UBE2F: variants seen among roughly 807,000 people sequenced by gnomAD.
UBE2F encodes NEDD8-conjugating enzyme UBE2F.
In UBE2F, 5 loss-of-function variants were observed where a neutral mutation model predicts 29.6. That is an observed-to-expected ratio of 0.17 (90% confidence interval 0.09 to 0.36). The LOEUF is 0.36. Among genes scored for constraint, UBE2F ranks in the 10% least tolerant of loss-of-function variants. The pLI is 1.00. For synonymous variants in UBE2F, 66 were observed against 81.8 expected (o/e 0.81, Z 1.04); for missense variants, 141 against 228.5 (o/e 0.62, Z 2.47).
rs973089826 is a variant in UBE2F, at chr2:238,041,507, G to T, written c.*169G>T. The T allele has an allele frequency of 7.7e-5, 46 of 599,662 alleles. No homozygotes were observed. Among genetic ancestry groups the T allele is most frequent in the Admixed American group, 2.7e-4 (9 of 33,778 alleles). The allele number at this position is 599,662 out of a possible 1,614,324, so 37.1% of individuals were successfully genotyped here. On this transcript the variant is annotated 3_prime_UTR_variant, in exon 10 of 10. Coordinates refer to ENST00000272930, the MANE Select transcript of UBE2F (RefSeq NM_080678.3). ...AAGACCATCTTCATGACTGCTCATT[G>T]TAGATGGAGAATTCAACATAAATAC...
In UBE2F at chr2:238,020,558, G is replaced by A. The variant is rs372475364; in HGVS notation, c.282+3925G>A. Among the ~76,000 whole-genome samples, 9 of 152,298 alleles carry A rather than the reference G, an allele frequency of 5.9e-5. No individual in the cohort carries two copies. The East Asian group carries it at 9.7e-4, about 16-fold the overall frequency. Reference sequence around the variant, plus strand: ...AAGAGTTACAGTTCCTGCAGTGAAGGTCTGTTATTAAGACTGTGAATGTGG... The same window carrying A: ...AAGAGTTACAGTTCCTGCAGTGAAGATCTGTTATTAAGACTGTGAATGTGG... On this transcript the variant is annotated intron_variant, in intron 5 of 9. Transcript: ENST00000272930.
At position 237,967,024 on chromosome 2, in the gene UBE2F, C is replaced by A; in HGVS notation, c.-125C>A. ...AGTCCCCGCCCCGCCACTTCCGGTC[C>A]CGCCGCCGGGAGCCGGTGCGGCTGT... On this transcript the variant is annotated 5_prime_UTR_variant, in exon 1 of 10. Transcript: ENST00000272930. The surrounding 1 kb of genome is among the most constrained non-coding windows in gnomAD (Gnocchi z 6.3). 2 of 1,276,022 alleles carry A rather than the reference C, an allele frequency of 1.6e-6. No homozygotes were observed. Among genetic ancestry groups the A allele is most frequent in the South Asian group, 2.2e-5 (1 of 46,014 alleles). 79.0% of individuals were successfully genotyped at this position (1,276,022 alleles called of 1,614,324 possible).
chr2:238,008,417 A>G (rs574913457), intron 4 of UBE2F, among the ~76,000 whole-genome samples: 18 of 152,290 alleles, frequency 1.2e-4, no homozygotes, highest in Non-Finnish European at 1.9e-4. Flanking sequence ...GTGTCCTTCA[A>G]GGGATTTGCT....
chr2:238,027,833 T>C (rs182046482), intron 6 of UBE2F, among the ~76,000 whole-genome samples: 2 of 152,294 alleles, frequency 1.3e-5, no homozygotes, highest in Non-Finnish European at 2.9e-5. Flanking sequence ...TGCCTGGGGC[T>C]CCACAGGCCT....
intron 5 of UBE2F, 186 bp from the exon 6 acceptor site, chr2:238,025,156 T>C: frequency 8.3e-6 from 5 of 602,522 alleles, no homozygotes; most frequent in Admixed American, 2.5e-5. Flanking sequence ...ATGCAGCGCA[T>C]CAACACATGC....
chr2:237,989,908 C>T (rs576030750), intron 3 of UBE2F, among the ~76,000 whole-genome samples: 3 of 151,864 alleles, frequency 2.0e-5, no homozygotes, highest in African/African-American at 7.2e-5. Context: ...CATTTGAGCT[C>T]AGGAGTTCGA....
At chr2:237,991,364 T>G (rs1285161106) in intron 3 of UBE2F, among the ~76,000 whole-genome samples, 1 of 152,208 alleles carries the variant, frequency 6.6e-6, no homozygotes, top group African/African-American at 2.4e-5. Context: ...ATAACTTGCC[T>G]TGTATCAGTA....
intron 2 of UBE2F, chr2:237,973,768 T>A: frequency 8.8e-7 from 1 of 1,142,750 alleles, no homozygotes; most frequent in Non-Finnish European, 1.1e-6. Flanking sequence ...ACTTTATCCT[T>A]GGAGAAGGGT....
At chr2:237,972,744 G>T (rs2063202810) in intron 1 of UBE2F, among the ~76,000 whole-genome samples, 1 of 151,584 alleles carries the variant, frequency 6.6e-6, no homozygotes, top group South Asian at 2.1e-4. Context: ...GTAGAGACAG[G>T]GTTTTGCCAT....
chr2:238,037,682 T>G (rs2064745196), intron 9 of UBE2F, among the ~76,000 whole-genome samples: 1 of 152,174 alleles, frequency 6.6e-6, no homozygotes, highest in African/African-American at 2.4e-5. Flanking sequence ...CTTGGCTCAC[T>G]GCAACCTCTA....
intron 9 of UBE2F, among the ~76,000 whole-genome samples, chr2:238,038,507 T>G (rs2064770075): frequency 6.6e-6 from 1 of 152,238 alleles, no homozygotes; most frequent in African/African-American, 2.4e-5. Context: ...CTGCTGTCGT[T>G]GGCGAGGACT....
intron 5 of UBE2F, among the ~76,000 whole-genome samples, chr2:238,022,980 T>G (rs1350601093): frequency 6.6e-6 from 1 of 152,140 alleles, no homozygotes; most frequent in Non-Finnish European, 1.5e-5. Context: ...AACATCAAAT[T>G]ATGGAAGGTG....
At chr2:238,039,953 G>C (rs935578778) in intron 9 of UBE2F, among the ~76,000 whole-genome samples, 2 of 152,242 alleles carry the variant, frequency 1.3e-5, no homozygotes, top group Admixed American at 6.5e-5. Flanking sequence ...ATGGCCTTGA[G>C]AAGGTTTTGT....
chr2:238,018,335 G>A lies in UBE2F; in HGVS notation c.282+1702G>A, dbSNP rs150045986. On this transcript the variant is annotated intron_variant, in intron 5 of 9. Transcript: ENST00000272930. ...ACCGTTCTGGATGTCATAGCAGGGA[G>A]TTAAGTCTAAGCTGATAAACTTTCC... is the stretch of plus-strand genomic sequence containing the variant. Among the ~76,000 whole-genome samples the A allele has an allele frequency of 4.2e-3, 637 of 152,302 alleles. 11 individuals are homozygous for A. The highest frequency in any genetic ancestry group is 7.1e-3 in the East Asian group (37 of 5,186).
At chr2:238,035,016 C>T (rs4663280) in intron 8 of UBE2F, 127,040 of 152,206 alleles carry the variant, frequency 0.83, 53,123 homozygotes, top group East Asian at 0.97. Context: ...CTCAGCCTCC[C>T]GAGTAGCTGG....
intron 7 of UBE2F, among the ~76,000 whole-genome samples, chr2:238,031,005 C>A (rs1027130091): frequency 2.6e-5 from 4 of 152,170 alleles, no homozygotes; most frequent in Non-Finnish European, 5.9e-5. Context: ...CTCCCTATGG[C>A]CAGAGAAGAC....
intron 4 of UBE2F, among the ~76,000 whole-genome samples, chr2:238,012,715 C>G (rs561805747): frequency 6.6e-6 from 1 of 152,258 alleles, no homozygotes; most frequent in African/African-American, 2.4e-5. Flanking sequence ...AGCCATCTCA[C>G]TCTGAGCTCC....
intron 2 of UBE2F, chr2:237,973,523 T>C: frequency 1.8e-6 from 1 of 549,888 alleles, no homozygotes; most frequent in Non-Finnish European, 3.0e-6. Flanking sequence ...CAGCAAAGCC[T>C]AAGACTGGTT....
chr2:237,979,034 C>T (rs2063334623), intron 2 of UBE2F, among the ~76,000 whole-genome samples: 1 of 152,196 alleles, frequency 6.6e-6, no homozygotes, highest in East Asian at 1.9e-4. Flanking sequence ...TGCCAGCATA[C>T]AGTTAGTGAC....
Sources: gnomAD v4.1 joint callset for allele counts (sites outside exome capture counted in the v4.1 genomes callset) on GRCh38, gnomAD v4.1.1 for gene constraint, Gnocchi (gnomAD v3.1) non-coding constraint, MANE v1.5 for transcripts, NCBI Gene and HGNC (gene_info 2026-07-23, HGNC 2026-07-21) for gene names.